KMO: variants seen among roughly 807,000 people sequenced by gnomAD.
The protein encoded by KMO is kynurenine 3-hydroxylase.
A neutral mutation model predicts 57.8 loss-of-function variants in KMO; 24 were observed. The observed-to-expected ratio is 0.42, with a 90% CI of 0.30 to 0.58. The LOEUF (loss-of-function observed/expected upper bound fraction) is 0.58. Ranked by LOEUF, KMO falls within the 20% of genes least tolerant of loss-of-function variation. The probability of loss-of-function intolerance (pLI) is 0.22; values close to 1 mark genes in which losing one functional copy is unlikely to be tolerated. For synonymous variants in KMO, 210 were observed against 193.6 expected, an observed-to-expected ratio of 1.08 and a Z score of -0.70; for missense variants, 483 against 588.2, an observed-to-expected ratio of 0.82 and a Z score of 1.85.
chr1:241,553,604 G>T (rs1016434077), intron 4 of KMO, among the ~76,000 whole-genome samples: 1 of 152,124 alleles, frequency 6.6e-6, no homozygotes, highest in Non-Finnish European at 1.5e-5. Flanking sequence ...TGGGAAGATC[G>T]CTTGAGCCCG....
At chr1:241,534,981 C>A (rs1023146322) in intron 1 of KMO, among the ~76,000 whole-genome samples, 3 of 151,412 alleles carry the variant, frequency 2.0e-5, no homozygotes, top group African/African-American at 7.3e-5. Flanking sequence ...TTTTTTTAAC[C>A]TGTTTCTTAG....
At chr1:241,556,744 C>T (rs1487603442) in intron 5 of KMO, among the ~76,000 whole-genome samples, 1 of 152,064 alleles carries the variant, frequency 6.6e-6, no homozygotes, top group African/African-American at 2.4e-5. Flanking sequence ...AAAAAATTAG[C>T]TGAGCGTGGT....
Position 241,555,595 on chromosome 1 carries a change from C to T in KMO, c.313-17C>T, listed in dbSNP as rs1256439571. 2.8e-6 allele frequency: 4 copies of T among 1,431,370 alleles called. No individual in the cohort carries two copies. The South Asian group carries it at 3.5e-5, about 12-fold the overall frequency. The allele number at this position is 1,431,370 out of a possible 1,614,324, so 88.7% of individuals were successfully genotyped here. On this transcript the variant is annotated splice_polypyrimidine_tract_variant and intron_variant, in intron 4 of 14. Coordinates refer to ENST00000366559, the MANE Select transcript of KMO (RefSeq NM_003679.5). ...ATTCACCAGAAACAAACAGTATCTA[C>T]TCTACTTTTCTTGCAGTATATTCTT... is the stretch of plus-strand genomic sequence containing the variant.
At chr1:241,539,856 G>T (rs1660896994) in intron 1 of KMO, among the ~76,000 whole-genome samples, 1 of 152,068 alleles carries the variant, frequency 6.6e-6, no homozygotes, top group African/African-American at 2.4e-5. Context: ...ATTGCCCTTT[G>T]GTGGGCCATT....
Position 241,594,836 on chromosome 1 carries a change from G to T in KMO, c.*2683G>T. On this transcript the variant is annotated 3_prime_UTR_variant, in exon 15 of 15. Coordinates refer to ENST00000366559, the MANE Select transcript of KMO (RefSeq NM_003679.5). ...ATGTGGGGTTATGTGGTCATGCTCA[G>T]ATCTACCTAAATCACCCCAGAGCTT... is the stretch of plus-strand genomic sequence containing the variant. The T allele has an allele frequency of 1.2e-6, 1 of 815,756 alleles. No homozygotes were observed. The highest frequency in any genetic ancestry group is 1.9e-6 in the Non-Finnish European group (1 of 524,728). 50.5% of individuals were successfully genotyped at this position (815,756 alleles called of 1,614,324 possible). A position where few individuals can be genotyped will look rare whatever the true frequency, so the allele number is the denominator to read the frequency against.
chr1:241,539,751 C>T (rs757144154), intron 1 of KMO, among the ~76,000 whole-genome samples: 3 of 152,248 alleles, frequency 2.0e-5, no homozygotes, highest in East Asian at 1.9e-4. Context: ...TTACTCCATT[C>T]CCCCACTAGT....
chr1:241,550,836 T>A (rs1661368226), intron 3 of KMO, 119 bp from the exon 4 acceptor site: 1 of 579,958 alleles, frequency 1.7e-6, no homozygotes, highest in African/African-American at 1.9e-5. Flanking sequence ...CTATGGTCTT[T>A]CACAATTTTT....
At chr1:241,589,879 T>G (rs1485321031) in intron 12 of KMO, 133 bp from the exon 13 acceptor site, 4 of 730,118 alleles carry the variant, frequency 5.5e-6, no homozygotes, top group South Asian at 1.7e-5. Context: ...GGAATGACAT[T>G]ATGGAAACAA....
intron 4 of KMO, among the ~76,000 whole-genome samples, chr1:241,552,615 T>C (rs929042309): frequency 1.3e-5 from 2 of 152,170 alleles, no homozygotes; most frequent in African/African-American, 4.8e-5. Context: ...ATTTGAAATA[T>C]ATCTCCTCCA....
chr1:241,548,264 C>A (rs1443547541), intron 1 of KMO, among the ~76,000 whole-genome samples: 1 of 151,968 alleles, frequency 6.6e-6, no homozygotes, highest in African/African-American at 2.4e-5. Flanking sequence ...GACCCCATCT[C>A]TACAAAAAAA....
chr1:241,565,204 T>A (rs1370016908), intron 8 of KMO, 146 bp downstream of exon 8: 1 of 564,240 alleles, frequency 1.8e-6, no homozygotes, highest in Non-Finnish European at 3.1e-6. Context: ...ACTTTGGGAT[T>A]ACTGAGGAAA....
chr1:241,540,301 T>C (rs1660915116), intron 1 of KMO, among the ~76,000 whole-genome samples: 1 of 152,118 alleles, frequency 6.6e-6, no homozygotes, highest in Admixed American at 6.6e-5. Context: ...TACTGCCTGG[T>C]GGAAGTCAGA....
chr1:241,576,939 A>G (rs1033640315), intron 10 of KMO, among the ~76,000 whole-genome samples: 1 of 151,968 alleles, frequency 6.6e-6, no homozygotes. Context: ...TCTTTTGATT[A>G]TATTTTCTTT....
intron 1 of KMO, among the ~76,000 whole-genome samples, chr1:241,542,041 C>T (rs942048628): frequency 4.6e-5 from 7 of 152,086 alleles, no homozygotes; most frequent in African/African-American, 7.2e-5. Flanking sequence ...ATAAAATGTA[C>T]GGAATTTTTA....
chr1:241,562,842 AGAAGGAAGGAAG>A (rs1162441117), intron 7 of KMO, among the ~76,000 whole-genome samples: 2 of 146,070 alleles, frequency 1.4e-5, no homozygotes, highest in African/African-American at 2.6e-5. Context: ...CTGTCTTGAA[AGAAGGAAGGAAG>A]GAAGGAAAGA....
At position 241,588,329 on chromosome 1, in the gene KMO, CTTTTTTTT is replaced by C. The variant is rs57587351; in HGVS notation, c.1016-402_1016-395del. Among the ~76,000 whole-genome samples, 546 of 98,420 alleles carry C rather than the reference CTTTTTTTT, an allele frequency of 5.5e-3. 6 individuals are homozygous for C. The highest frequency in any genetic ancestry group is 0.02 in the African/African-American group (518 of 25,926). 64.6% of individuals were successfully genotyped at this position (98,420 alleles called of 152,430 possible). A position where few individuals can be genotyped will look rare whatever the true frequency, so the allele number is the denominator to read the frequency against. On this transcript the variant is annotated intron_variant, in intron 11 of 14. Coordinates refer to ENST00000366559, the MANE Select transcript of KMO (RefSeq NM_003679.5). Reference sequence around the variant, plus strand: ...GGACAAATTTTCTCATCTTTTTTTTCTTTTTTTTTTTTTTTTTTTTTTTTGGTTATTTC... The same window carrying C: ...GGACAAATTTTCTCATCTTTTTTTTCTTTTTTTTTTTTTTTTGGTTATTTC...
chr1:241,589,522 T>C (rs1558433107), intron 12 of KMO, among the ~76,000 whole-genome samples: 2 of 152,214 alleles, frequency 1.3e-5, no homozygotes, highest in Admixed American at 1.3e-4. Context: ...GAGGATAACC[T>C]ACAAGATATT....
chr1:241,562,094 C>T (rs1661864337), intron 6 of KMO, 73 bp from the exon 7 acceptor site: 20 of 1,325,298 alleles, frequency 1.5e-5, no homozygotes, highest in East Asian at 4.8e-5. Context: ...CACTACTTCT[C>T]ATACCCAGAG....
chr1:241,560,640 T>C, intron 5 of KMO, 25 bp from the exon 6 acceptor site: 1 of 1,501,078 alleles, frequency 6.7e-7, no homozygotes, highest in South Asian at 1.1e-5. Context: ...TTCATTTCTG[T>C]TTGCCTCTTT....
Sources: gnomAD v4.1 joint callset for allele counts (sites outside exome capture counted in the v4.1 genomes callset) on GRCh38, gnomAD v4.1.1 for gene constraint, MANE v1.5 for transcripts, NCBI Gene and HGNC (gene_info 2026-07-23, HGNC 2026-07-21) for gene names.